The following SLC38A11 variants were observed in gnomAD, a reference collection of about 807,000 sequenced individuals.
SLC38A11 encodes putative sodium-coupled neutral amino acid transporter 11.
A neutral mutation model predicts 49.4 loss-of-function variants in SLC38A11; 51 were observed. That is an observed-to-expected ratio of 1.03 (90% CI 0.83 to 1.30). The LOEUF is 1.30. Ranked by LOEUF, SLC38A11 falls within the 50% of genes most tolerant of loss-of-function variation. SLC38A11 has a pLI of 0.00. For synonymous variants in SLC38A11, 203 were observed against 192.9 expected, an observed-to-expected ratio of 1.05 and a Z score of -0.43; for missense variants, 574 against 556.2, an observed-to-expected ratio of 1.03 and a Z score of -0.32.
At chr2:164,950,598 TAAC>T (rs1490891478) in intron 3 of SLC38A11, among the ~76,000 whole-genome samples, 1 of 152,192 alleles carries the variant, frequency 6.6e-6, no homozygotes, top group Non-Finnish European at 1.5e-5. Flanking sequence ...ATCTGTTACT[TAAC>T]AAAAGAATTT....
chr2:164,915,326 T>G (rs1573911946), intron 8 of SLC38A11, 53 bp from the exon 9 acceptor site: 1 of 1,508,972 alleles, frequency 6.6e-7, no homozygotes, highest in Non-Finnish European at 8.9e-7. Context: ...GGTTTTCTTT[T>G]TTAGTTCTGA....
chr2:164,945,676 G>A lies in SLC38A11; in HGVS notation c.281C>T (p.Thr94Ile). 2.5e-6 allele frequency: 4 copies of A among 1,611,878 alleles called. No individual in the cohort carries two copies. The highest frequency in any genetic ancestry group is 3.4e-6 in the Non-Finnish European group (4 of 1,179,566). ...IKGGALSGTD[T>I]YQSLVNKTFG... ...AGTTTTATTGACCAAAGACTGGTAG[G>A]TATCTGTTCCAGAGAGGGCCCCTCC... The change falls in exon 4 of 12, where the codon ACC becomes ATC. Residue 94 changes from threonine to isoleucine, a missense_variant. Physicochemically the swap from Thr to Ile is moderately conservative, Grantham distance 89. Transcript: ENST00000685975.
intron 11 of SLC38A11, among the ~76,000 whole-genome samples, chr2:164,906,362 T>C (rs1685007005): frequency 6.6e-6 from 1 of 152,184 alleles, no homozygotes; most frequent in South Asian, 2.1e-4. Flanking sequence ...AAAGAAAGCA[T>C]CTTGTGTCTA....
At chr2:164,937,589 G>A (rs1197085151) in intron 6 of SLC38A11, 160 bp from the exon 7 acceptor site, 2 of 556,122 alleles carry the variant, frequency 3.6e-6, no homozygotes, top group Non-Finnish European at 6.4e-6. Context: ...ATAATCTCAG[G>A]CAGGTAACTT....
chr2:164,930,953 A>G (rs1357745562), intron 7 of SLC38A11, among the ~76,000 whole-genome samples: 1 of 152,100 alleles, frequency 6.6e-6, no homozygotes, highest in Non-Finnish European at 1.5e-5. Flanking sequence ...ATAAGTAGAG[A>G]GGAAGTCAAA....
At position 164,930,625 on chromosome 2, in the gene SLC38A11, C is replaced by A. The variant is rs137970924; in HGVS notation, c.617+6725G>T. ...TATATGCAAATCAGTAAATGTGATTCATTGCATAAAAAGAACTAAAGACAA... is the reference window on the plus strand; with the variant it reads ...TATATGCAAATCAGTAAATGTGATTAATTGCATAAAAAGAACTAAAGACAA... On this transcript the variant is annotated intron_variant, in intron 7 of 11. Coordinates refer to ENST00000685975, the MANE Select transcript of SLC38A11 (RefSeq NM_001351537.2). 1.6e-4 allele frequency among the ~76,000 whole-genome samples: 24 copies of A among 152,200 alleles called. No individual in the cohort carries two copies. The East Asian group carries it at 4.6e-3, about 29-fold the overall frequency.
intron 7 of SLC38A11, among the ~76,000 whole-genome samples, chr2:164,927,072 C>T (rs1372608694): frequency 1.3e-5 from 2 of 152,092 alleles, no homozygotes; most frequent in Non-Finnish European, 2.9e-5. Context: ...TAGGGCAGAG[C>T]CCTTATAGAT....
chr2:164,919,545 T>C (rs550651000), intron 7 of SLC38A11, among the ~76,000 whole-genome samples: 1 of 152,308 alleles, frequency 6.6e-6, no homozygotes, highest in African/African-American at 2.4e-5. Context: ...GCATACACAG[T>C]TGTCCCTTGG....
At chr2:164,945,804 G>A (rs971335363) in intron 3 of SLC38A11, 77 bp from the exon 4 acceptor site, 28 of 1,474,802 alleles carry the variant, frequency 1.9e-5, no homozygotes, top group African/African-American at 7.2e-5. Context: ...AATTACCATC[G>A]AGAAAAGGGG....
intron 5 of SLC38A11, 83 bp downstream of exon 5, chr2:164,944,486 T>C: frequency 1.8e-6 from 1 of 563,956 alleles, no homozygotes; most frequent in Non-Finnish European, 2.7e-6. Context: ...AAATTTTTTA[T>C]TTATAATTAT....
intron 6 of SLC38A11, among the ~76,000 whole-genome samples, chr2:164,938,379 T>C (rs1188755406): frequency 6.6e-6 from 1 of 152,122 alleles, no homozygotes; most frequent in African/African-American, 2.4e-5. Flanking sequence ...CATGGAGTGA[T>C]TTATTTAGAT....
At chr2:164,911,595 GA>G (rs757390558) in intron 10 of SLC38A11, 40 bp downstream of exon 10, 2 of 971,788 alleles carry the variant, frequency 2.1e-6, no homozygotes, top group Non-Finnish European at 3.0e-6. Flanking sequence ...ATGTGGCAGA[GA>G]GATCACCTGG....
At position 164,915,132 on chromosome 2, in the gene SLC38A11, G is replaced by A; in HGVS notation, c.830C>T (p.Thr277Ile). 6.2e-7 allele frequency: 1 copy of A among 1,608,510 alleles called. No homozygotes were observed. The highest frequency in any genetic ancestry group is 8.5e-7 in the Non-Finnish European group (1 of 1,177,770). ...TTTACCTTGGGTGAAGCCAGTAAAT[G>A]TCAAGTATCCACATGTAGCAAAGAA... is the stretch of plus-strand genomic sequence containing the variant. ...CIFFATCGYL[T>I]FTGFTQGDLF... is the part of the protein sequence containing the mutation. Residue 277 changes from threonine to isoleucine, a missense_variant, in exon 9 of 12, where the codon ACA (threonine) becomes ATA (isoleucine). By Grantham distance (89) the Thr-to-Ile change is moderately conservative (BLOSUM62 -1). Coordinates refer to ENST00000685975, the MANE Select transcript of SLC38A11 (RefSeq NM_001351537.2).
intron 3 of SLC38A11, among the ~76,000 whole-genome samples, chr2:164,950,659 TAATC>T (rs1688460635): frequency 6.6e-6 from 1 of 152,316 alleles, no homozygotes. Flanking sequence ...TATTTTATGT[TAATC>T]AACAAATTTG....
At position 164,899,902 on chromosome 2, in the gene SLC38A11, A is replaced by G. The variant is rs375686075; in HGVS notation, c.1096-1172T>C. On this transcript the variant is annotated intron_variant, in intron 11 of 11. Transcript: ENST00000685975. ...AAATCTGTAGACTTGTTCATCCTACATATCTGCTACTTTGAATTCTTTGAC... is the reference window on the plus strand; with the variant it reads ...AAATCTGTAGACTTGTTCATCCTACGTATCTGCTACTTTGAATTCTTTGAC... Among the ~76,000 whole-genome samples, 4 of 152,190 alleles carry G rather than the reference A, an allele frequency of 2.6e-5. No individual in the cohort carries two copies. In the East Asian group the frequency reaches 5.8e-4, roughly 22 times the overall value.
At chr2:164,919,680 A>G (rs948780929) in intron 7 of SLC38A11, among the ~76,000 whole-genome samples, 3 of 152,194 alleles carry the variant, frequency 2.0e-5, no homozygotes, top group Admixed American at 2.0e-4. Flanking sequence ...TATAATTTAA[A>G]TTATCTCTAG....
chr2:164,939,899 G>A (rs556235314), intron 5 of SLC38A11, among the ~76,000 whole-genome samples: 1 of 151,280 alleles, frequency 6.6e-6, no homozygotes, highest in East Asian at 1.9e-4. Context: ...CTTTTCTAAG[G>A]TAAAAAACAT....
chr2:164,942,445 A>AC (rs1357756910), intron 5 of SLC38A11, among the ~76,000 whole-genome samples: 1 of 151,370 alleles, frequency 6.6e-6, no homozygotes, highest in South Asian at 2.1e-4. Flanking sequence ...AAAAAAAAAA[A>AC]AACAAAAACA....
At chr2:164,903,854 G>T (rs548179230) in intron 11 of SLC38A11, among the ~76,000 whole-genome samples, 2 of 152,186 alleles carry the variant, frequency 1.3e-5, no homozygotes, top group East Asian at 3.9e-4. Context: ...CATTTTTATT[G>T]CCAGTACAGA....
Sources: allele counts gnomAD v4.1 joint callset (sites outside exome capture counted in the v4.1 genomes callset), GRCh38; gene constraint gnomAD v4.1.1; transcripts MANE v1.5; gene names NCBI Gene and HGNC (gene_info 2026-07-23, HGNC 2026-07-21).